USP8: variants seen among roughly 807,000 people sequenced by gnomAD.
USP8 encodes the protein ubiquitin specific peptidase 8, also known as ubiquitin carboxyl-terminal hydrolase 8.
USP8 carries 27 observed loss-of-function variants against 130.0 expected under a neutral mutation model. The observed-to-expected ratio is 0.21, with a 90% CI of 0.15 to 0.29. The LOEUF (loss-of-function observed/expected upper bound fraction) is 0.29. Among genes scored for constraint, USP8 ranks in the 10% least tolerant of loss-of-function variants. USP8 has a pLI of 1.00. For missense variants in USP8, 1,029 were observed against 1,312.2 expected, an observed-to-expected ratio of 0.78 and a Z score of 3.33; for synonymous variants, 392 against 444.1, an observed-to-expected ratio of 0.88 and a Z score of 1.48.
intron 11 of USP8, among the ~76,000 whole-genome samples, chr15:50,484,010 T>G (rs968945256): frequency 6.6e-6 from 1 of 152,060 alleles, no homozygotes; most frequent in Non-Finnish European, 1.5e-5. Context: ...ATGATCAGCA[T>G]TTTATACTTG....
chr15:50,476,855 A>G lies in USP8; in HGVS notation c.856A>G (p.Ser286Gly). The G allele has an allele frequency of 6.4e-7, 1 of 1,559,834 alleles. No individual in the cohort carries two copies. Among genetic ancestry groups the G allele is most frequent in the Non-Finnish European group, 8.6e-7 (1 of 1,164,054 alleles). Reference protein sequence around the residue: ...SLKDALFKWESKTVLRNEPLV... With the variant: ...SLKDALFKWEGKTVLRNEPLV... ...ATGATTTCCTTATTTATAGTGGGAA[A>G]GTAAAACTGTCCTGCGCAATGAGCC... Residue 286 changes from serine to glycine, a missense_variant, in exon 9 of 20, where the codon AGT becomes GGT. This residue lies in a region of USP8 where 281 missense variants were observed against 336.7 expected (regional missense o/e 0.83). Coordinates refer to ENST00000307179, the MANE Select transcript of USP8 (RefSeq NM_005154.5).
intron 9 of USP8, 113 bp downstream of exon 9, chr15:50,477,106 G>T: frequency 1.4e-6 from 2 of 1,418,208 alleles, no homozygotes; most frequent in Non-Finnish European, 1.9e-6. Context: ...AGAGCAGTTT[G>T]TTTTCAGGCA....
chr15:50,475,170 A>G (rs1221598715), intron 8 of USP8, among the ~76,000 whole-genome samples: 1 of 152,222 alleles, frequency 6.6e-6, no homozygotes, highest in African/African-American at 2.4e-5. Context: ...ATCAGGAAAA[A>G]TGTTTGCAAT....
Position 50,504,807 on chromosome 15 carries a change from GTC to G in USP8, c.*5723_*5724del, listed in dbSNP as rs1440527731. 1 of 138,254 alleles carries G rather than the reference GTC, an allele frequency of 7.2e-6. No individual in the cohort carries two copies. The highest frequency in any genetic ancestry group is 2.2e-4 in the East Asian group (1 of 4,636). 8.6% of individuals were successfully genotyped at this position (138,254 alleles called of 1,614,324 possible). ...AACCTGGTACACATGGTGAAACCCT[GTC>G]TCTATTAAAAAAAACAAAAAAAATT... is the stretch of plus-strand genomic sequence containing the variant. On this transcript the variant is annotated 3_prime_UTR_variant, in exon 20 of 20. Transcript: ENST00000307179.
At chr15:50,467,904 A>C (rs1020951914) in intron 7 of USP8, among the ~76,000 whole-genome samples, 7 of 150,778 alleles carry the variant, frequency 4.6e-5, no homozygotes, top group African/African-American at 1.7e-4. Flanking sequence ...TATTTATTTT[A>C]ATTTTTTAAA....
intron 1 of USP8, among the ~76,000 whole-genome samples, chr15:50,429,609 G>A (rs868293835): frequency 1.3e-5 from 2 of 152,266 alleles, no homozygotes; most frequent in South Asian, 4.1e-4. Flanking sequence ...ACCTAGGCAG[G>A]AGGATCACTT....
chr15:50,426,164 C>G (rs1301098144), intron 1 of USP8, among the ~76,000 whole-genome samples: 2 of 152,004 alleles, frequency 1.3e-5, no homozygotes, highest in Non-Finnish European at 2.9e-5. Context: ...GGAAAATAAT[C>G]AAAATGACTT....
intron 5 of USP8, among the ~76,000 whole-genome samples, chr15:50,461,140 G>A (rs2050984470): frequency 6.6e-6 from 1 of 152,020 alleles, no homozygotes; most frequent in Non-Finnish European, 1.5e-5. Context: ...TTATAGGAAT[G>A]CACCACCACG....
chr15:50,431,165 C>G (rs76379253), intron 1 of USP8, among the ~76,000 whole-genome samples: 50 of 140,986 alleles, frequency 3.5e-4, no homozygotes, highest in African/African-American at 1.2e-3. Flanking sequence ...GTGTGTGCCT[C>G]TGTGTGTGTG....
intron 12 of USP8, chr15:50,489,344 CTT>C (rs888104490): frequency 7.8e-5 from 12 of 153,008 alleles, no homozygotes; most frequent in African/African-American, 2.9e-4. Flanking sequence ...ACTTACACCT[CTT>C]AGCATATAGA....
At chr15:50,456,269 C>T (rs990956704) in intron 4 of USP8, among the ~76,000 whole-genome samples, 1 of 152,022 alleles carries the variant, frequency 6.6e-6, no homozygotes, top group Non-Finnish European at 1.5e-5. Context: ...AATTGCTAAG[C>T]GTAAAGATAG....
chr15:50,429,265 T>G (rs2049849298), intron 1 of USP8, among the ~76,000 whole-genome samples: 1 of 151,794 alleles, frequency 6.6e-6, no homozygotes, highest in Non-Finnish European at 1.5e-5. Context: ...ATAATACCAA[T>G]TTCAGAACAA....
intron 3 of USP8, among the ~76,000 whole-genome samples, 159 bp downstream of exon 3, chr15:50,441,652 T>A (rs117862182): frequency 0.017 from 2,594 of 152,332 alleles, 41 homozygotes; most frequent in Non-Finnish European, 0.026. Context: ...ACAGTGTTAT[T>A]ATTTACAAAT....
At chr15:50,434,304 T>C (rs905673666) in intron 1 of USP8, among the ~76,000 whole-genome samples, 8 of 151,858 alleles carry the variant, frequency 5.3e-5, no homozygotes, top group Non-Finnish European at 8.8e-5. Context: ...GGTTTCACCA[T>C]GTTGGCCAGG....
chr15:50,447,804 A>G (rs1231686566), intron 3 of USP8, among the ~76,000 whole-genome samples: 3 of 145,862 alleles, frequency 2.1e-5, no homozygotes, highest in Admixed American at 6.9e-5. Context: ...GGGTCTCACT[A>G]TATGCCCAGG....
chr15:50,492,238 A>T (rs373680091), intron 14 of USP8, among the ~76,000 whole-genome samples: 2 of 152,130 alleles, frequency 1.3e-5, no homozygotes, highest in East Asian at 3.8e-4. Flanking sequence ...ATAGTACCCA[A>T]ATAACCTCTG....
intron 15 of USP8, 47 bp downstream of exon 15, chr15:50,492,960 C>G (rs749106479): frequency 6.6e-7 from 1 of 1,525,488 alleles, no homozygotes; most frequent in South Asian, 1.1e-5. Context: ...AAAGGATGAT[C>G]TAACCATATT....
intron 1 of USP8, among the ~76,000 whole-genome samples, chr15:50,435,416 T>C (rs1027943295): frequency 5.9e-5 from 9 of 152,238 alleles, no homozygotes; most frequent in Admixed American, 2.0e-4. Flanking sequence ...TGAGATGATT[T>C]AAAGTAAGGT....
intron 12 of USP8, among the ~76,000 whole-genome samples, chr15:50,488,452 C>T (rs563118979): frequency 6.6e-6 from 1 of 151,844 alleles, no homozygotes; most frequent in Non-Finnish European, 1.5e-5. Flanking sequence ...CTCACCTGAC[C>T]ACCTGGGCTC....
Sources: allele counts gnomAD v4.1 joint callset (sites outside exome capture counted in the v4.1 genomes callset), GRCh38; gene constraint gnomAD v4.1.1; regional missense constraint gnomAD v4.1.1; transcripts MANE v1.5; gene names NCBI Gene and HGNC (gene_info 2026-07-23, HGNC 2026-07-21).